The following AKAP9 variants were observed in gnomAD, a reference collection of about 807,000 sequenced individuals.
AKAP9 encodes A-kinase anchoring protein 9, also known as A-kinase anchor protein 9.
A neutral mutation model predicts 488.5 loss-of-function variants in AKAP9; 311 were observed. That is an observed-to-expected ratio of 0.64 (90% confidence interval 0.58 to 0.70). The LOEUF (loss-of-function observed/expected upper bound fraction) is 0.70, where lower values mean the gene tolerates loss of function less well. AKAP9 is among the 30% of genes least tolerant of loss of function. The probability of loss-of-function intolerance (pLI) is 0.00; values close to 1 mark genes in which losing one functional copy is unlikely to be tolerated. For missense variants in AKAP9, 4,215 were observed against 4,374.5 expected (o/e 0.96, Z 1.03); for synonymous variants, 1,462 against 1,483.5 (o/e 0.99, Z 0.33).
Position 92,001,388 on chromosome 7 carries a change from A to G in AKAP9, c.1471A>G (p.Met491Val). The stretch of plus-strand genomic sequence containing the variant: ...AGTTAATGAAGATCAGATAAAGTTA[A>G]TGAATGTGGCAATAAATGAACTGAA... ...ITVNEDQIKL[M>V]NVAINELNIK... The change falls in exon 8 of 50, where the codon ATG (methionine) becomes GTG (valine). Residue 491 changes from methionine to valine, a missense_variant. Met to Val is a conservative substitution (Grantham distance 21). Around this residue, in one of 5 missense-constraint regions of AKAP9, gnomAD observed 2,361 missense variants for 2,430.0 expected, o/e 0.97. Coordinates refer to ENST00000356239, the MANE Select transcript of AKAP9 (RefSeq NM_005751.5). The G allele has an allele frequency of 6.2e-7, 1 of 1,613,854 alleles. No individual in the cohort carries two copies. Among genetic ancestry groups the G allele is most frequent in the Non-Finnish European group, 8.5e-7 (1 of 1,179,768 alleles).
chr7:92,000,998 G>A lies in AKAP9; in HGVS notation c.1081G>A (p.Glu361Lys). 3.9e-6 allele frequency: 6 copies of A among 1,548,038 alleles called. No homozygotes were observed. The highest frequency in any genetic ancestry group is 4.4e-6 in the Non-Finnish European group (5 of 1,148,500). Residue 361 changes from glutamate (E) to lysine (K), a missense_variant, in exon 8 of 50, where the codon GAA (glutamate) becomes AAA (lysine). Transcript: ENST00000356239. ...AACAACTGCTGATAAATTACTAGGA[G>A]AATTACAAGAACAGATTGTGCAAAA... ...KLTTADKLLG[E>K]LQEQIVQKNQ...
intron 26 of AKAP9, among the ~76,000 whole-genome samples, chr7:92,067,443 A>G (rs1001307650): frequency 2.3e-5 from 3 of 130,750 alleles, no homozygotes; most frequent in Admixed American, 2.2e-4. Flanking sequence ...AACTAGAATC[A>G]GCCTTGATTC....
chr7:91,964,787 T>C (rs1309706490), intron 1 of AKAP9, among the ~76,000 whole-genome samples: 2 of 152,178 alleles, frequency 1.3e-5, no homozygotes, highest in African/African-American at 4.8e-5. Context: ...AAAATTTTAA[T>C]AATTTTTTCA....
chr7:92,048,799 C>T (rs995714274), intron 21 of AKAP9, among the ~76,000 whole-genome samples: 5 of 152,058 alleles, frequency 3.3e-5, no homozygotes, highest in South Asian at 2.1e-4. Context: ...CCCAGCTATT[C>T]GTGAGGCTGA....
Position 92,038,566 on chromosome 7 carries a change from G to A in AKAP9, c.4486G>A (p.Asp1496Asn). Residue 1496 changes from aspartate (D) to asparagine (N), a missense_variant, in exon 17 of 50, where the codon GAT becomes AAT. Transcript: ENST00000356239. The stretch of plus-strand genomic sequence containing the variant: ...TTTTAATGAAATGAAATTATCACAG[G>A]ATCAAATTGGTTTTCAGACTTTTGA... ...HYFNEMKLSQDQIGFQTFETV... is the reference protein window; with the variant it reads ...HYFNEMKLSQNQIGFQTFETV... 4 of 1,613,850 alleles carry A rather than the reference G, an allele frequency of 2.5e-6. No homozygotes were observed. Among genetic ancestry groups the A allele is most frequent in the South Asian group, 1.1e-5 (1 of 91,068 alleles).
intron 49 of AKAP9, 65 bp from the exon 50 acceptor site, chr7:92,110,057 G>T: frequency 8.3e-7 from 1 of 1,198,812 alleles, no homozygotes; most frequent in Non-Finnish European, 1.2e-6. Flanking sequence ...TGTGAACTCT[G>T]GTGGGTCTGA....
chr7:92,061,151 G>A (rs1287800240), intron 22 of AKAP9, 109 bp from the exon 23 acceptor site: 4 of 1,257,078 alleles, frequency 3.2e-6, no homozygotes, highest in Non-Finnish European at 4.5e-6. Flanking sequence ...CTACAATTCA[G>A]TAGTATATCT....
At position 92,065,293 on chromosome 7, in the gene AKAP9, A is replaced by C; in HGVS notation, c.6040A>C (p.Lys2014Gln). 6.2e-7 allele frequency: 1 copy of C among 1,613,196 alleles called. No homozygotes were observed. Among genetic ancestry groups the C allele is most frequent in the Non-Finnish European group, 8.5e-7 (1 of 1,179,530 alleles). Reference protein sequence around the residue: ...EKLEVQCQAEKVRDDLQKQVK... With the variant: ...EKLEVQCQAEQVRDDLQKQVK... ...ACTAGAAGTACAATGTCAAGCTGAA[A>C]AAGTACGTGATGACCTTCAAAAACA... The change falls in exon 25 of 50, where the codon AAA becomes CAA. Residue 2014 changes from lysine (K) to glutamine (Q), a missense_variant. By Grantham distance (53) the Lys-to-Gln change is moderately conservative (BLOSUM62 1). Around this residue, in one of 5 missense-constraint regions of AKAP9, gnomAD observed 2,361 missense variants for 2,430.0 expected, o/e 0.97. Transcript: ENST00000356239.
chr7:92,003,334 A>G lies in AKAP9; in HGVS notation c.3318+99A>G, dbSNP rs1452494254. The stretch of plus-strand genomic sequence containing the variant: ...TAGAACATAAGTTCATATCCTTACA[A>G]GAGAATGAAAATGAACCCTCTGATG... On this transcript the variant is annotated intron_variant, in intron 8 of 49. Coordinates refer to ENST00000356239, the MANE Select transcript of AKAP9 (RefSeq NM_005751.5). The G allele has an allele frequency of 1.4e-5, 13 of 916,612 alleles. No individual in the cohort carries two copies. The East Asian group carries it at 3.0e-4, about 21-fold the overall frequency. 56.8% of individuals were successfully genotyped at this position (916,612 alleles called of 1,614,324 possible). A position where few individuals can be genotyped will look rare whatever the true frequency, so the allele number is the denominator to read the frequency against.
intron 45 of AKAP9, among the ~76,000 whole-genome samples, chr7:92,101,369 G>T (rs972679269): frequency 5.3e-5 from 8 of 151,872 alleles, no homozygotes; most frequent in African/African-American, 1.9e-4. Context: ...CCCAGGAAGC[G>T]GAGGTTGCAG....
chr7:92,002,058 C>A lies in AKAP9; in HGVS notation c.2141C>A (p.Ser714Ter). 2 of 1,601,482 alleles carry A rather than the reference C, an allele frequency of 1.2e-6. No individual in the cohort carries two copies. Among genetic ancestry groups the A allele is most frequent in the South Asian group, 2.3e-5 (2 of 87,154 alleles). Residue 714 changes from serine to a stop codon, truncating the protein, a stop_gained, in exon 8 of 50, where the codon TCA (serine) becomes TAA (stop). Coordinates refer to ENST00000356239, the MANE Select transcript of AKAP9 (RefSeq NM_005751.5). LOFTEE classifies it high-confidence loss of function. Reference protein sequence around the residue: ...DLQQSLVNSKSEEMTLQINEL... With the variant: ...DLQQSLVNSK ...CAGCAGTCTCTTGTAAATTCAAAGT[C>A]AGAAGAAATGACTCTTCAAATCAAT...
intron 16 of AKAP9, among the ~76,000 whole-genome samples, chr7:92,033,536 C>A (rs184528380): frequency 1.8e-3 from 279 of 150,848 alleles, no homozygotes; most frequent in Non-Finnish European, 3.1e-3. Context: ...ACCTCCAACT[C>A]CTGGGCTCAA....
At chr7:91,948,450 T>G (rs1183406940) in intron 1 of AKAP9, among the ~76,000 whole-genome samples, 3 of 151,842 alleles carry the variant, frequency 2.0e-5, no homozygotes, top group African/African-American at 2.4e-5. Context: ...GTGTTTTCTG[T>G]TTTTTTTGTT....
At chr7:92,082,690 C>G (rs377051901) in intron 32 of AKAP9, 28 bp downstream of exon 32, 1 of 1,611,554 alleles carries the variant, frequency 6.2e-7, no homozygotes, top group East Asian at 2.2e-5. Flanking sequence ...GCTCCTAATT[C>G]ACTCATTTCT....
chr7:92,079,160 A>G lies in AKAP9; in HGVS notation c.7027A>G (p.Arg2343Gly), dbSNP rs2130860705. Reference protein sequence around the residue: ...CLMSDQECVKRNREEEIEQLN... With the variant: ...CLMSDQECVKGNREEEIEQLN... ...GATGAGTGATCAAGAATGTGTGAAG[A>G]GAAATAGAGAAGAAGAAATAGAGCA... The change falls in exon 31 of 50, where the codon AGA (arginine) becomes GGA (glycine). Residue 2343 changes from arginine to glycine, a missense_variant. Physicochemically the swap from Arg to Gly is moderately radical, Grantham distance 125 (BLOSUM62 -2). This residue lies in a region of AKAP9 where 1,476 missense variants were observed against 1,477.4 expected (regional missense o/e 1.00). Transcript: ENST00000356239. 1 of 1,614,014 alleles carries G rather than the reference A, an allele frequency of 6.2e-7. No homozygotes were observed. The highest frequency in any genetic ancestry group is 2.2e-5 in the East Asian group (1 of 44,838).
chr7:92,035,688 C>G (rs1054544109), intron 16 of AKAP9, among the ~76,000 whole-genome samples: 1 of 152,202 alleles, frequency 6.6e-6, no homozygotes, highest in Non-Finnish European at 1.5e-5. Context: ...CTTTCCCATA[C>G]AAATCACCTA....
At chr7:92,048,971 G>A (rs557286754) in intron 21 of AKAP9, among the ~76,000 whole-genome samples, 2 of 152,300 alleles carry the variant, frequency 1.3e-5, no homozygotes, top group African/African-American at 4.8e-5. Context: ...TCAACTGTCA[G>A]ATCCAGGGTC....
In AKAP9 at chr7:92,001,167, A is replaced by T. The variant is rs763158801; in HGVS notation, c.1250A>T (p.Asp417Val). 6.2e-7 allele frequency: 1 copy of T among 1,614,056 alleles called. No individual in the cohort carries two copies. The highest frequency in any genetic ancestry group is 1.1e-5 in the South Asian group (1 of 91,086). ...RNHKDSQFET[D>V]IVQRMEQETQ... ...CATAAAGACAGCCAGTTCGAAACTG[A>T]TATAGTACAACGAATGGAACAAGAA... The change falls in exon 8 of 50, where the codon GAT (aspartate) becomes GTT (valine). Residue 417 changes from aspartate (D) to valine (V), a missense_variant. Asp to Val is a radical substitution (Grantham distance 152). Coordinates refer to ENST00000356239, the MANE Select transcript of AKAP9 (RefSeq NM_005751.5).
At position 91,963,719 on chromosome 7, in the gene AKAP9, C is replaced by T. The variant is rs183081049; in HGVS notation, c.49-9992C>T. ...ATTTTTAGTAGAGATGTGGTTTCGC[C>T]GTGTTAGGCAGGATGGTCTTGAACT... is the stretch of plus-strand genomic sequence containing the variant. On this transcript the variant is annotated intron_variant, in intron 1 of 49. Transcript: ENST00000356239. Among the ~76,000 whole-genome samples, 45 of 152,226 alleles carry T rather than the reference C, an allele frequency of 3.0e-4. No homozygotes were observed. The East Asian group carries it at 6.9e-3, about 23-fold the overall frequency.
Sources: allele counts gnomAD v4.1 joint callset (sites outside exome capture counted in the v4.1 genomes callset), GRCh38; gene constraint gnomAD v4.1.1; regional missense constraint gnomAD v4.1.1; transcripts MANE v1.5; gene names NCBI Gene and HGNC (gene_info 2026-07-23, HGNC 2026-07-21).